The following GRID2 variants were observed in gnomAD, a reference collection of about 807,000 sequenced individuals.
The protein encoded by GRID2 is glutamate receptor ionotropic, delta-2.
In GRID2, 33 loss-of-function variants were observed where a neutral mutation model predicts 114.8. The ratio of observed to expected loss-of-function variants is 0.29; its 90% CI spans 0.22 to 0.38. The LOEUF (loss-of-function observed/expected upper bound fraction) is 0.38, where lower values mean the gene tolerates loss of function less well. GRID2 is among the 10% of genes least tolerant of loss of function. The pLI is 1.00. For synonymous variants in GRID2, 505 were observed against 449.9 expected (o/e 1.12, Z -1.55); for missense variants, 1,184 against 1,257.7 (o/e 0.94, Z 0.89).
chr4:92,521,449 A>C (rs966939205), intron 1 of GRID2, among the ~76,000 whole-genome samples: 3 of 152,004 alleles, frequency 2.0e-5, no homozygotes, highest in Non-Finnish European at 2.9e-5. Context: ...TGAGTTATTA[A>C]ATGCTCAGGA....
At chr4:92,667,946 T>G (rs1732871051) in intron 2 of GRID2, among the ~76,000 whole-genome samples, 1 of 151,822 alleles carries the variant, frequency 6.6e-6, no homozygotes, top group African/African-American at 2.4e-5. Context: ...CTTTTCTAAA[T>G]GTACTCCTTG....
intron 1 of GRID2, among the ~76,000 whole-genome samples, chr4:92,510,550 G>A (rs1229633886): frequency 1.3e-5 from 2 of 151,780 alleles, no homozygotes; most frequent in Non-Finnish European, 2.9e-5. Flanking sequence ...GAAGTTCAAA[G>A]TTAAGAAATA....
chr4:92,768,016 T>C (rs897761299), intron 2 of GRID2, among the ~76,000 whole-genome samples: 5 of 152,134 alleles, frequency 3.3e-5, no homozygotes, highest in African/African-American at 1.2e-4. Context: ...ATATCTGTTA[T>C]TTGTGTACTT....
At chr4:92,470,652 A>G (rs1721989159) in intron 1 of GRID2, among the ~76,000 whole-genome samples, 1 of 151,984 alleles carries the variant, frequency 6.6e-6, no homozygotes, top group African/African-American at 2.4e-5. Context: ...ACTAAATTGC[A>G]TTAGAAACAG....
intron 1 of GRID2, among the ~76,000 whole-genome samples, chr4:92,310,433 A>C (rs1725635394): frequency 6.6e-6 from 1 of 152,020 alleles, no homozygotes; most frequent in Non-Finnish European, 1.5e-5. Context: ...ATTATTGGAA[A>C]ATTAAATGAT....
chr4:92,452,895 A>G (rs1721009063), intron 1 of GRID2, among the ~76,000 whole-genome samples: 1 of 148,452 alleles, frequency 6.7e-6, no homozygotes, highest in African/African-American at 2.5e-5. Context: ...TATTTACCAT[A>G]TATATATATG....
chr4:92,616,401 A>C lies in GRID2; in HGVS notation c.244+26115A>C, dbSNP rs147692230. On this transcript the variant is annotated intron_variant, in intron 2 of 15. Coordinates refer to ENST00000282020, the MANE Select transcript of GRID2 (RefSeq NM_001510.4). ...AGTTACATTTCTCTTGTTTCCTTTAAGTTTTTTTCTTTGGCCCTGTCTGTC... is the reference window on the plus strand; with the variant it reads ...AGTTACATTTCTCTTGTTTCCTTTACGTTTTTTTCTTTGGCCCTGTCTGTC... Among the ~76,000 whole-genome samples, 341 of 150,894 alleles carry C rather than the reference A, an allele frequency of 2.3e-3. 4 individuals are homozygous for C. The highest frequency in any genetic ancestry group is 7.8e-3 in the African/African-American group (321 of 41,162).
intron 1 of GRID2, among the ~76,000 whole-genome samples, chr4:93,797,099 T>A (rs929432143): frequency 2.0e-5 from 3 of 152,182 alleles, no homozygotes; most frequent in African/African-American, 7.2e-5. Context: ...AAATGGCAAG[T>A]ATTTGTGAAT....
At chr4:92,911,085 C>T (rs908503445) in intron 2 of GRID2, among the ~76,000 whole-genome samples, 6 of 151,930 alleles carry the variant, frequency 3.9e-5, no homozygotes, top group African/African-American at 1.4e-4. Flanking sequence ...ATGTTTTCCA[C>T]TGTATCTGTT....
chr4:92,821,687 C>G (rs537824661), intron 2 of GRID2, among the ~76,000 whole-genome samples: 2 of 152,062 alleles, frequency 1.3e-5, no homozygotes, highest in Non-Finnish European at 2.9e-5. Context: ...TATAGCCCAC[C>G]CCCTCAATAA....
At chr4:92,628,034 A>G (rs2149243883) in intron 2 of GRID2, among the ~76,000 whole-genome samples, 1 of 152,318 alleles carries the variant, frequency 6.6e-6, no homozygotes, top group South Asian at 2.1e-4. Flanking sequence ...GATCGAGAGC[A>G]TAGCTAATAG....
intron 8 of GRID2, among the ~76,000 whole-genome samples, chr4:93,357,360 A>C (rs547729345): frequency 4.6e-5 from 7 of 151,556 alleles, no homozygotes; most frequent in Non-Finnish European, 8.9e-5. Context: ...ATGAATTAAA[A>C]AATAATTTAA....
At chr4:92,632,173 T>C (rs1730840254) in intron 2 of GRID2, among the ~76,000 whole-genome samples, 2 of 152,292 alleles carry the variant, frequency 1.3e-5, no homozygotes, top group Admixed American at 6.5e-5. Flanking sequence ...TTATATCTTT[T>C]AGCATCCTTG....
At chr4:93,803,744 T>G (rs1476269120) in intron 1 of GRID2, among the ~76,000 whole-genome samples, 1 of 152,040 alleles carries the variant, frequency 6.6e-6, no homozygotes, top group Non-Finnish European at 1.5e-5. Context: ...AAAAAACACC[T>G]TTTTCAAATA....
intron 8 of GRID2, among the ~76,000 whole-genome samples, chr4:93,261,978 T>C (rs576396863): frequency 1.1e-4 from 17 of 151,736 alleles, no homozygotes; most frequent in South Asian, 8.3e-4. Context: ...GGCCAAACCA[T>C]AGTTTACTGA....
chr4:92,867,628 T>A (rs1332582369), intron 2 of GRID2, among the ~76,000 whole-genome samples: 1 of 151,876 alleles, frequency 6.6e-6, no homozygotes, highest in Non-Finnish European at 1.5e-5. Context: ...CAGTAGTTAA[T>A]GTGTTGGTAA....
chr4:92,495,107 T>G lies in GRID2; in HGVS notation c.89-95024T>G, dbSNP rs182961658. Among the ~76,000 whole-genome samples the G allele has an allele frequency of 5.3e-5, 8 of 152,134 alleles. No individual in the cohort carries two copies. The East Asian group carries it at 1.4e-3, about 26-fold the overall frequency. ...GAAAGCATTCATGTGGAATCTATTA[T>G]AATGTGTTTCCAGTCAAGCAAAACC... On this transcript the variant is annotated intron_variant, in intron 1 of 15. Transcript: ENST00000282020.
intron 1 of GRID2, among the ~76,000 whole-genome samples, chr4:92,383,440 C>A (rs1729714018): frequency 6.6e-6 from 1 of 151,918 alleles, no homozygotes; most frequent in Non-Finnish European, 1.5e-5. Context: ...TTAATACATA[C>A]CTTTCAGCCC....
chr4:92,654,042 G>T (rs1732107856), intron 2 of GRID2, among the ~76,000 whole-genome samples: 1 of 152,130 alleles, frequency 6.6e-6, no homozygotes, highest in Admixed American at 6.6e-5. Flanking sequence ...TATATAGTTT[G>T]TGATATTGCT....
Sources: gnomAD v4.1 joint callset for allele counts (sites outside exome capture counted in the v4.1 genomes callset) on GRCh38, gnomAD v4.1.1 for gene constraint, MANE v1.5 for transcripts, NCBI Gene and HGNC (gene_info 2026-07-23, HGNC 2026-07-21) for gene names.